The following ZFYVE27 variants were observed in gnomAD, a reference collection of about 807,000 sequenced individuals.
The protein encoded by ZFYVE27 is zinc finger FYVE-type containing 27.
In ZFYVE27, 36 loss-of-function variants were observed where a neutral mutation model predicts 52.8. The ratio of observed to expected loss-of-function variants is 0.68; its 90% CI spans 0.52 to 0.90. The LOEUF (loss-of-function observed/expected upper bound fraction) is 0.90, where lower values mean the gene tolerates loss of function less well. ZFYVE27 is among the 40% of genes least tolerant of loss of function. The pLI is 0.00. For synonymous variants in ZFYVE27, 223 were observed against 215.6 expected, an observed-to-expected ratio of 1.03 and a Z score of -0.30; for missense variants, 450 against 527.2, an observed-to-expected ratio of 0.85 and a Z score of 1.43.
In ZFYVE27 at chr10:97,757,678, C is replaced by T. The variant is rs1455730995; in HGVS notation, c.1126C>T (p.Arg376Ter). The part of the protein sequence containing the change: ...CSNCGNSFCS[R>*]CCSFKVPKSS... ...TAATTGTGGAAACAGCTTCTGCTCT[C>T]GATGCTGCTCCTTCAAGGTGCCCAA... Residue 376 changes from arginine to a stop codon, truncating the protein, a stop_gained, in exon 12 of 13, where the codon CGA becomes TGA. Transcript: ENST00000684270. LOFTEE classifies it high-confidence loss of function. 8 of 1,614,230 alleles carry T rather than the reference C, an allele frequency of 5.0e-6. No individual in the cohort carries two copies. Among genetic ancestry groups the T allele is most frequent in the Non-Finnish European group, 5.9e-6 (7 of 1,180,042 alleles).
chr10:97,759,429 T>G lies in ZFYVE27; in HGVS notation c.*129T>G. 1 of 915,308 alleles carries G rather than the reference T, an allele frequency of 1.1e-6. No individual in the cohort carries two copies. The highest frequency in any genetic ancestry group is 1.8e-6 in the Non-Finnish European group (1 of 566,406). 56.7% of individuals were successfully genotyped at this position (915,308 alleles called of 1,614,324 possible). A position where few individuals can be genotyped will look rare whatever the true frequency, so the allele number is the denominator to read the frequency against. ...GCCTGAATGCTAGGTAGGCTTCCCC[T>G]TCCTTCCTCACTCTCTCCAGCTGGA... On this transcript the variant is annotated 3_prime_UTR_variant, in exon 13 of 13. Coordinates refer to ENST00000684270, the MANE Select transcript of ZFYVE27 (RefSeq NM_001385875.1).
rs59915626 is a variant in ZFYVE27 at position 97,740,153 on chromosome 10, C to G, written c.197+1479C>G. Among the ~76,000 whole-genome samples, 413 of 152,314 alleles carry G rather than the reference C, an allele frequency of 2.7e-3. 1 individual carries two copies. The highest frequency in any genetic ancestry group is 9.5e-3 in the African/African-American group (393 of 41,564). The stretch of plus-strand genomic sequence containing the variant: ...ATACATGAGAGAGACTGGTAGGAAG[C>G]AGGGTGAGTGGAGTTACGTTAACCT... On this transcript the variant is annotated intron_variant, in intron 2 of 12. Transcript: ENST00000684270.
At chr10:97,747,242 G>A (rs148704050) in intron 4 of ZFYVE27, among the ~76,000 whole-genome samples, 38 of 152,258 alleles carry the variant, frequency 2.5e-4, no homozygotes, top group South Asian at 1.9e-3. Context: ...CAGTACATCC[G>A]TATCAGGAGG....
intron 2 of ZFYVE27, among the ~76,000 whole-genome samples, chr10:97,741,526 A>G (rs1487588230): frequency 1.3e-5 from 2 of 152,202 alleles, no homozygotes; most frequent in Admixed American, 6.5e-5. Flanking sequence ...AGAAAACCAA[A>G]CACCACATGT....
intron 10 of ZFYVE27, among the ~76,000 whole-genome samples, chr10:97,755,387 G>A (rs34360519): frequency 0.029 from 4,347 of 152,298 alleles, 79 homozygotes; most frequent in Non-Finnish European, 0.045. Flanking sequence ...TTTAAATAAT[G>A]GAAATCTCTC....
intron 1 of ZFYVE27, 122 bp from the exon 2 acceptor site, chr10:97,738,355 G>A: frequency 9.7e-7 from 1 of 1,033,960 alleles, no homozygotes; most frequent in Non-Finnish European, 1.5e-6. Flanking sequence ...CAGGATTTTA[G>A]GTCTGAATAG....
In ZFYVE27 at chr10:97,759,885, T is replaced by C. The variant is rs979771365; in HGVS notation, c.*585T>C. 5.9e-6 allele frequency: 1 copy of C among 169,214 alleles called. No homozygotes were observed. The highest frequency in any genetic ancestry group is 1.3e-5 in the Non-Finnish European group (1 of 76,080). 10.5% of individuals were successfully genotyped at this position (169,214 alleles called of 1,614,324 possible). A position where few individuals can be genotyped will look rare whatever the true frequency, so the allele number is the denominator to read the frequency against. On this transcript the variant is annotated 3_prime_UTR_variant, in exon 13 of 13. Transcript: ENST00000684270. Reference sequence around the variant, plus strand: ...ACCATGGGTGCTTCTAGAAACAGGGTTGAAGTTCCCAGATTCCCTGAGAGG... The same window carrying C: ...ACCATGGGTGCTTCTAGAAACAGGGCTGAAGTTCCCAGATTCCCTGAGAGG...
intron 7 of ZFYVE27, among the ~76,000 whole-genome samples, chr10:97,750,825 C>T (rs1157207154): frequency 6.6e-6 from 1 of 151,840 alleles, no homozygotes; most frequent in African/African-American, 2.4e-5. Flanking sequence ...ACTACAACCT[C>T]CATCTCCTGG....
chr10:97,744,962 G>A (rs760978710), intron 4 of ZFYVE27, 47 bp downstream of exon 4: 31 of 1,538,782 alleles, frequency 2.0e-5, no homozygotes, highest in South Asian at 3.6e-5. Context: ...AGTAACAGCA[G>A]CCATGACACT....
rs187591845 is a variant in ZFYVE27 at position 97,746,019 on chromosome 10, A to G, written c.455+1104A>G. Among the ~76,000 whole-genome samples, 5 of 138,240 alleles carry G rather than the reference A, an allele frequency of 3.6e-5. No individual in the cohort carries two copies. In the East Asian group the frequency reaches 1.0e-3, roughly 28 times the overall value. The allele number at this position is 138,240 out of a possible 152,430, so 90.7% of individuals were successfully genotyped here. A position where few individuals can be genotyped will look rare whatever the true frequency, so the allele number is the denominator to read the frequency against. On this transcript the variant is annotated intron_variant, in intron 4 of 12. Transcript: ENST00000684270. ...TTCTTACTTTGAAATAGTTTTATAT[A>G]TATATACACATATATATATATATAT...
rs1252998298 is a variant in ZFYVE27, at chr10:97,751,373, T to TA, written c.805-17dup. ...CGCTGCCATCCTTCTCCTTCTGTCA[T>TA]AGAGTCTCTCTTCCCAGGACCTCAC... On this transcript the variant is annotated splice_polypyrimidine_tract_variant and intron_variant, in intron 7 of 12. Transcript: ENST00000684270. The TA allele has an allele frequency of 1.1e-5, 18 of 1,613,174 alleles. No individual in the cohort carries two copies. Among genetic ancestry groups the TA allele is most frequent in the Non-Finnish European group, 1.4e-5 (16 of 1,179,386 alleles).
At chr10:97,757,386 T>C in intron 11 of ZFYVE27, 75 bp downstream of exon 11, 2 of 1,574,154 alleles carry the variant, frequency 1.3e-6, no homozygotes, top group Non-Finnish European at 1.7e-6. Context: ...TTGAGGGGAG[T>C]CATTGAGAAA....
chr10:97,738,593 A>C lies in ZFYVE27; in HGVS notation c.116A>C (p.Asn39Thr). 6.2e-7 allele frequency: 1 copy of C among 1,614,166 alleles called. No individual in the cohort carries two copies. The highest frequency in any genetic ancestry group is 1.3e-5 in the African/African-American group (1 of 75,020). Residue 39 changes from asparagine (N) to threonine (T), a missense_variant, in exon 2 of 13, where the codon AAC becomes ACC. Coordinates refer to ENST00000684270, the MANE Select transcript of ZFYVE27 (RefSeq NM_001385875.1). Reference sequence around the variant, plus strand: ...AAGTCCCCAGCGTTTGACCTTTTCAACTTGGTTCTCTCCTACAAGAGGCTG... The same window carrying C: ...AAGTCCCCAGCGTTTGACCTTTTCACCTTGGTTCTCTCCTACAAGAGGCTG... Reference protein sequence around the residue: ...PTKSPAFDLFNLVLSYKRLEI... With the variant: ...PTKSPAFDLFTLVLSYKRLEI...
chr10:97,757,177 C>T (rs2048570036), intron 10 of ZFYVE27, 88 bp from the exon 11 acceptor site: 26 of 1,595,432 alleles, frequency 1.6e-5, no homozygotes, highest in Non-Finnish European at 2.2e-5. Flanking sequence ...GGCTGGTGTC[C>T]TGAGTGTCCC....
At chr10:97,743,260 G>A (rs1052028940) in intron 3 of ZFYVE27, 96 bp downstream of exon 3, 2 of 1,412,718 alleles carry the variant, frequency 1.4e-6, no homozygotes. Flanking sequence ...AGCTGCTCTT[G>A]TTGCCCTGGA....
chr10:97,744,751 C>T lies in ZFYVE27; in HGVS notation c.291C>T (p.Ala97=). Residue 97 remains alanine, a synonymous_variant, in exon 4 of 13, where the codon GCC becomes GCT. Transcript: ENST00000684270. The part of the protein sequence containing the change: ...LNEGAWYSVG[A]LMISVPALLG... ...CAGGTGCATGGTACTCAGTAGGTGC[C>T]CTGATGATTTCAGTGCCCGCCCTGC... 1 of 1,613,838 alleles carries T rather than the reference C, an allele frequency of 6.2e-7. No homozygotes were observed. Among genetic ancestry groups the T allele is most frequent in the Non-Finnish European group, 8.5e-7 (1 of 1,180,030 alleles).
At position 97,751,022 on chromosome 10, in the gene ZFYVE27, C is replaced by T. The variant is rs944742065; in HGVS notation, c.805-369C>T. 6.6e-5 allele frequency among the ~76,000 whole-genome samples: 10 copies of T among 152,306 alleles called. 1 individual carries two copies. Among genetic ancestry groups the T allele is most frequent in the South Asian group, 6.2e-4 (3 of 4,826 alleles). ...CCTCCCAAAGTGCTGGGATTACAGG[C>T]GTGAGCCACTGCACCAGGCTGGTTA... is the stretch of plus-strand genomic sequence containing the variant. On this transcript the variant is annotated intron_variant, in intron 7 of 12. Transcript: ENST00000684270.
Position 97,754,767 on chromosome 10 carries a change from C to T in ZFYVE27, c.1042+1585C>T, listed in dbSNP as rs186041876. 1.2e-5 allele frequency: 15 copies of T among 1,289,236 alleles called. No individual in the cohort carries two copies. In the African/African-American group the frequency reaches 2.1e-4, roughly 18 times the overall value. 79.9% of individuals were successfully genotyped at this position (1,289,236 alleles called of 1,614,324 possible). ...GCAGTTCTTAAGGGTTCAGAGCAGC[C>T]AGATTCCAGCAGTGCCCGGTAACAC... On this transcript the variant is annotated intron_variant, in intron 10 of 12. Coordinates refer to ENST00000684270, the MANE Select transcript of ZFYVE27 (RefSeq NM_001385875.1).
chr10:97,738,413 G>C, intron 1 of ZFYVE27, 64 bp from the exon 2 acceptor site: 2 of 1,572,402 alleles, frequency 1.3e-6, no homozygotes, highest in South Asian at 1.1e-5. Context: ...ACCTGAATCT[G>C]TAGGTAGAAT....
Sources: gnomAD v4.1 joint callset for allele counts (sites outside exome capture counted in the v4.1 genomes callset) on GRCh38, gnomAD v4.1.1 for gene constraint, MANE v1.5 for transcripts, NCBI Gene and HGNC (gene_info 2026-07-23, HGNC 2026-07-21) for gene names.